CLVS1: variants seen among roughly 807,000 people sequenced by gnomAD.
The protein encoded by CLVS1 is clavesin 1, also known as clavesin-1.
In CLVS1, 10 loss-of-function variants were observed where a neutral mutation model predicts 33.1. That is an observed-to-expected ratio of 0.30 (90% confidence interval 0.19 to 0.51). CLVS1 has a LOEUF of 0.51. Ranked by LOEUF, CLVS1 falls within the 20% of genes least tolerant of loss-of-function variation. CLVS1 has a pLI of 0.97. For missense variants in CLVS1, 343 were observed against 433.4 expected, an observed-to-expected ratio of 0.79 and a Z score of 1.85; for synonymous variants, 163 against 166.1, an observed-to-expected ratio of 0.98 and a Z score of 0.14.
At chr8:61,189,081 C>A (rs915815272) in intron 2 of CLVS1, among the ~76,000 whole-genome samples, 24 of 152,014 alleles carry the variant, frequency 1.6e-4, no homozygotes, top group Non-Finnish European at 3.1e-4. Context: ...TCAGATTCAC[C>A]AAAGTTGAAA....
At chr8:61,498,058 T>C (rs183214934) in intron 5 of CLVS1, among the ~76,000 whole-genome samples, 1 of 152,272 alleles carries the variant, frequency 6.6e-6, no homozygotes, top group East Asian at 1.9e-4. Flanking sequence ...ACCTCCTATC[T>C]CATTCTGTGA....
the CLVS1 span, among the ~76,000 whole-genome samples, chr8:61,002,279 G>C: frequency 2.2e-4 from 33 of 150,822 alleles, no homozygotes; most frequent in South Asian, 2.1e-3. Flanking sequence ...ACTGCACCCA[G>C]CTGATCAATC....
chr8:61,285,599 G>A (rs370584218), upstream of CLVS1, among the ~76,000 whole-genome samples: 17 of 152,108 alleles, frequency 1.1e-4, no homozygotes, highest in African/African-American at 2.4e-4. Context: ...CTCCTGGCAC[G>A]CCCAACTCAG....
intron 2 of CLVS1, among the ~76,000 whole-genome samples, chr8:61,267,617 T>C (rs1384518122): frequency 6.6e-6 from 1 of 152,194 alleles, no homozygotes; most frequent in African/African-American, 2.4e-5. Context: ...CAGCTGTGAT[T>C]TAAAAAGCAA....
At chr8:61,343,894 T>C (rs1031890035) in intron 2 of CLVS1, among the ~76,000 whole-genome samples, 1 of 152,228 alleles carries the variant, frequency 6.6e-6, no homozygotes, top group Non-Finnish European at 1.5e-5. Context: ...CTTTAAATCT[T>C]AGTGCTAGGC....
chr8:61,156,211 T>C (rs1412565172), intron 2 of CLVS1, among the ~76,000 whole-genome samples: 3 of 52,038 alleles, frequency 5.8e-5, no homozygotes, highest in African/African-American at 8.0e-5. Context: ...AGAGATTCCA[T>C]CTCAAAAAAA....
chr8:61,001,308 C>A, the CLVS1 span, among the ~76,000 whole-genome samples: 2 of 152,186 alleles, frequency 1.3e-5, no homozygotes, highest in South Asian at 4.1e-4. Flanking sequence ...TTTATTTAAC[C>A]CAAGAGATCC....
chr8:61,232,023 G>GTTTGTTTGTTTGTTTGTTTGTTTTTTT, intron 2 of CLVS1, among the ~76,000 whole-genome samples: 7 of 62,658 alleles, frequency 1.1e-4, no homozygotes, highest in African/African-American at 2.8e-4. Context: ...GAAAGTTGTG[G>GTTTGTTTGTTTGTTTGTTTGTTTTTTT]TTTTTTTTTT....
the CLVS1 span, among the ~76,000 whole-genome samples, chr8:61,033,131 G>GA: frequency 1.1e-5 from 1 of 89,914 alleles, no homozygotes; most frequent in African/African-American, 3.8e-5. Context: ...AGAAAGGAAA[G>GA]AAAGAAAGAA....
intron 2 of CLVS1, among the ~76,000 whole-genome samples, chr8:61,180,758 T>C (rs1481970738): frequency 6.6e-6 from 1 of 152,142 alleles, no homozygotes; most frequent in Non-Finnish European, 1.5e-5. Flanking sequence ...TCTCAATAGA[T>C]GCAAAAAAGG....
chr8:61,093,112 TTAGGTGG>T (rs1252531374), intron 1 of CLVS1, among the ~76,000 whole-genome samples: 1 of 152,190 alleles, frequency 6.6e-6, no homozygotes, highest in Non-Finnish European at 1.5e-5. Flanking sequence ...AAGCTTGTTA[TTAGGTGG>T]TAGGGAATAA....
chr8:61,164,462 G>A (rs188223208), intron 2 of CLVS1, among the ~76,000 whole-genome samples: 14 of 152,154 alleles, frequency 9.2e-5, no homozygotes, highest in African/African-American at 1.7e-4. Flanking sequence ...CAAACATTGC[G>A]ATTCCCGCTG....
In CLVS1 at chr8:61,357,910, C is replaced by T. The variant is rs545286670; in HGVS notation, c.456-18695C>T. 3.3e-5 allele frequency among the ~76,000 whole-genome samples: 5 copies of T among 152,202 alleles called. No homozygotes were observed. In the South Asian group the frequency reaches 6.2e-4, roughly 19 times the overall value. On this transcript the variant is annotated intron_variant, in intron 2 of 5. Coordinates refer to ENST00000325897, the MANE Select transcript of CLVS1 (RefSeq NM_173519.3). ...CTGGAAACAGATTCTGCTGTCTGACCGGGATTGATGATCTTTCAGATCCCT... is the reference window on the plus strand; with the variant it reads ...CTGGAAACAGATTCTGCTGTCTGACTGGGATTGATGATCTTTCAGATCCCT...
At chr8:61,434,368 A>G (rs1447858969) in intron 3 of CLVS1, among the ~76,000 whole-genome samples, 1 of 152,238 alleles carries the variant, frequency 6.6e-6, no homozygotes, top group East Asian at 1.9e-4. Flanking sequence ...GTGAGCGCCA[A>G]CTGTCAACGA....
intron 3 of CLVS1, among the ~76,000 whole-genome samples, chr8:61,420,488 G>A (rs1452237512): frequency 6.6e-6 from 1 of 152,112 alleles, no homozygotes; most frequent in Non-Finnish European, 1.5e-5. Flanking sequence ...TGTAGTCCGA[G>A]CTACTCGGGA....
At chr8:61,097,405 ATT>A (rs1805373127) in intron 1 of CLVS1, among the ~76,000 whole-genome samples, 1 of 152,214 alleles carries the variant, frequency 6.6e-6, no homozygotes, top group Non-Finnish European at 1.5e-5. Context: ...GCATGATGCT[ATT>A]TTATGAGTTC....
chr8:61,319,442 G>A (rs1486123383), intron 2 of CLVS1, among the ~76,000 whole-genome samples: 2 of 152,164 alleles, frequency 1.3e-5, no homozygotes, highest in Non-Finnish European at 2.9e-5. Flanking sequence ...GGAAGGCAAT[G>A]TTCTCTTCAC....
At chr8:61,320,669 C>A (rs756299043) in intron 2 of CLVS1, among the ~76,000 whole-genome samples, 2 of 152,186 alleles carry the variant, frequency 1.3e-5, no homozygotes, top group Non-Finnish European at 2.9e-5. Flanking sequence ...ATAGATGGTA[C>A]CTTCTAACTG....
chr8:61,225,390 A>T (rs944021873), intron 2 of CLVS1, among the ~76,000 whole-genome samples: 1 of 152,232 alleles, frequency 6.6e-6, no homozygotes, highest in African/African-American at 2.4e-5. Flanking sequence ...GGTTATTATT[A>T]ATTATGGTCA....
Sources: gnomAD v4.1 joint callset for allele counts (sites outside exome capture counted in the v4.1 genomes callset) on GRCh38, gnomAD v4.1.1 for gene constraint, MANE v1.5 for transcripts, NCBI Gene and HGNC (gene_info 2026-07-23, HGNC 2026-07-21) for gene names.